The following BAZ2B variants were observed in gnomAD, a reference collection of about 807,000 sequenced individuals.
BAZ2B encodes the protein bromodomain adjacent to zinc finger domain 2B, also known as bromodomain adjacent to zinc finger domain protein 2B.
A neutral mutation model predicts 246.0 loss-of-function variants in BAZ2B; 91 were observed. The ratio of observed to expected loss-of-function variants is 0.37; its 90% CI spans 0.31 to 0.44. The LOEUF is 0.44. BAZ2B is among the 20% of genes least tolerant of loss of function. The probability of loss-of-function intolerance (pLI) is 1.00; values close to 1 mark genes in which losing one functional copy is unlikely to be tolerated. For synonymous variants in BAZ2B, 855 were observed against 860.0 expected (o/e 0.99, Z 0.10); for missense variants, 2,332 against 2,533.7 (o/e 0.92, Z 1.71).
At chr2:159,620,872 T>C (rs1696404624), upstream of BAZ2B, among the ~76,000 whole-genome samples, 1 of 152,202 alleles carries the variant, frequency 6.6e-6, no homozygotes. Context: ...AGGAGTGGCA[T>C]GATTGACCTT....
chr2:159,316,186 G>A (rs946254365), downstream of BAZ2B, among the ~76,000 whole-genome samples: 1 of 152,132 alleles, frequency 6.6e-6, no homozygotes, highest in African/African-American at 2.4e-5. Flanking sequence ...GTAACACAGA[G>A]GGGCTTTGCA....
chr2:159,612,750 T>A (rs1169773418), intron 1 of BAZ2B, among the ~76,000 whole-genome samples: 1 of 152,096 alleles, frequency 6.6e-6, no homozygotes, highest in Non-Finnish European at 1.5e-5. Flanking sequence ...TCTTAGCAGC[T>A]CCATGAAATC....
chr2:159,681,187 A>G, the BAZ2B span, among the ~76,000 whole-genome samples: 100 of 152,306 alleles, frequency 6.6e-4, 1 homozygote, highest in South Asian at 0.02. Context: ...AAAATTTATC[A>G]TAAGAGAAAA....
At chr2:159,660,794 T>C in the BAZ2B span, among the ~76,000 whole-genome samples, 1 of 152,136 alleles carries the variant, frequency 6.6e-6, no homozygotes, top group Non-Finnish European at 1.5e-5. Context: ...CATGGGGTTT[T>C]ACCATGTTGG....
At chr2:159,463,205 C>A in intron 3 of BAZ2B, 1 of 540,922 alleles carries the variant, frequency 1.8e-6, no homozygotes, top group Non-Finnish European at 3.5e-6. Flanking sequence ...ATGAATTTAG[C>A]AGCTATGCAT....
At position 159,438,709 on chromosome 2, in the gene BAZ2B, T is replaced by G; in HGVS notation, c.901-14A>C. ...ATGTAATAGCACCTAGATATAAAAA[T>G]GAAAAGGTAAGTTCCTAACATCTAT... On this transcript the variant is annotated splice_polypyrimidine_tract_variant and intron_variant, in intron 7 of 36. Coordinates refer to ENST00000392783, the MANE Select transcript of BAZ2B (RefSeq NM_013450.4). 2 of 1,560,000 alleles carry G rather than the reference T, an allele frequency of 1.3e-6. No homozygotes were observed. The highest frequency in any genetic ancestry group is 1.7e-6 in the Non-Finnish European group (2 of 1,162,644).
chr2:159,631,037 AT>A, the BAZ2B span, among the ~76,000 whole-genome samples: 36 of 152,212 alleles, frequency 2.4e-4, no homozygotes, highest in Non-Finnish European at 4.7e-4. Context: ...TTACAAAAAA[AT>A]TTTAAAATTT....
At chr2:159,325,148 T>TATATATATATATATAGTATATATATAA (rs1242445301) in intron 35 of BAZ2B, among the ~76,000 whole-genome samples, 194 bp from the exon 36 acceptor site, 1 of 76,650 alleles carries the variant, frequency 1.3e-5, no homozygotes, top group African/African-American at 5.2e-5. Context: ...TATATATATA[T>TATATATATATATATAGTATATATATAA]GAGATAGGGT....
At chr2:159,428,130 T>C in intron 12 of BAZ2B, 88 bp from the exon 13 acceptor site, 1 of 1,291,774 alleles carries the variant, frequency 7.7e-7, no homozygotes, top group Non-Finnish European at 1.1e-6. Flanking sequence ...ACTAATGTTT[T>C]GCATATTCTA....
Position 159,325,687 on chromosome 2 carries a change from T to C in BAZ2B, c.6175A>G (p.Lys2059Glu), listed in dbSNP as rs760948242. The part of the protein sequence containing the change: ...QESFTSVKKP[K>E]RDDSKDLALC... ...GCTAGGTCCTTGGAGTCATCTCTTT[T>C]AGGTTTCTTAACTGAAGTAAAACTT... Residue 2059 changes from lysine (K) to glutamate (E), a missense_variant, in exon 35 of 37, where the codon AAA (lysine) becomes GAA (glutamate). Transcript: ENST00000392783. 5 of 1,594,326 alleles carry C rather than the reference T, an allele frequency of 3.1e-6. No homozygotes were observed. The highest frequency in any genetic ancestry group is 4.3e-6 in the Non-Finnish European group (5 of 1,175,788).
At chr2:159,420,862 A>T (rs1302645273) in intron 13 of BAZ2B, among the ~76,000 whole-genome samples, 1 of 152,250 alleles carries the variant, frequency 6.6e-6, no homozygotes, top group Non-Finnish European at 1.5e-5. Context: ...ATGAAACAGA[A>T]GTCCGTAGGA....
chr2:159,478,517 A>G (rs1479163576), intron 3 of BAZ2B, 58 bp downstream of exon 3: 21 of 1,516,864 alleles, frequency 1.4e-5, no homozygotes, highest in Non-Finnish European at 1.6e-5. Context: ...TCAATAAAAT[A>G]TTATGCAAAT....
chr2:159,632,578 C>T, the BAZ2B span, among the ~76,000 whole-genome samples: 3 of 152,146 alleles, frequency 2.0e-5, no homozygotes, highest in African/African-American at 7.2e-5. Context: ...CTGTGCATCT[C>T]GTCCCAACTC....
At chr2:159,396,459 C>G (rs2064034534) in intron 19 of BAZ2B, 1 of 152,072 alleles carries the variant, frequency 6.6e-6, no homozygotes, top group African/African-American at 2.4e-5. Context: ...TGTCTGCCAC[C>G]TGATACTCTA....
At chr2:159,681,861 G>A in the BAZ2B span, among the ~76,000 whole-genome samples, 1 of 152,166 alleles carries the variant, frequency 6.6e-6, no homozygotes, top group Non-Finnish European at 1.5e-5. Context: ...GGAGGTGGAG[G>A]TTGCAGTGAG....
intron 36 of BAZ2B, among the ~76,000 whole-genome samples, chr2:159,323,251 C>T (rs901385036): frequency 2.0e-5 from 3 of 151,988 alleles, no homozygotes; most frequent in Non-Finnish European, 4.4e-5. Context: ...TCCCAAAGTG[C>T]TGGGATTACA....
chr2:159,580,084 G>A (rs999057515), intron 1 of BAZ2B, among the ~76,000 whole-genome samples: 7 of 152,294 alleles, frequency 4.6e-5, no homozygotes, highest in South Asian at 2.1e-4. Context: ...TCAGGCAGGA[G>A]AAAGAAATAA....
At chr2:159,623,841 T>C in the BAZ2B span, among the ~76,000 whole-genome samples, 1 of 152,262 alleles carries the variant, frequency 6.6e-6, no homozygotes, top group Non-Finnish European at 1.5e-5. Context: ...CAAATATCTG[T>C]CATAATGAAA....
At chr2:159,435,853 T>A (rs1440368679) in intron 8 of BAZ2B, among the ~76,000 whole-genome samples, 1 of 152,238 alleles carries the variant, frequency 6.6e-6, no homozygotes, top group Non-Finnish European at 1.5e-5. Context: ...GTAAACTTTT[T>A]ATCTTATTTA....
Sources: gnomAD v4.1 joint callset for allele counts (sites outside exome capture counted in the v4.1 genomes callset) on GRCh38, gnomAD v4.1.1 for gene constraint, MANE v1.5 for transcripts, NCBI Gene and HGNC (gene_info 2026-07-23, HGNC 2026-07-21) for gene names.